CNTN1: variants seen among roughly 807,000 people sequenced by gnomAD.
CNTN1 encodes contactin-1.
CNTN1 carries 38 observed loss-of-function variants against 126.4 expected under a neutral mutation model. The ratio of observed to expected loss-of-function variants is 0.30; its 90% CI spans 0.23 to 0.39. The LOEUF is 0.39. Among genes scored for constraint, CNTN1 ranks in the 10% least tolerant of loss-of-function variants. CNTN1 has a pLI of 1.00. For synonymous variants in CNTN1, 413 were observed against 422.6 expected, an observed-to-expected ratio of 0.98 and a Z score of 0.28; for missense variants, 1,009 against 1,248.4, an observed-to-expected ratio of 0.81 and a Z score of 2.89.
intron 1 of CNTN1, among the ~76,000 whole-genome samples, chr12:40,814,609 T>C (rs1330913513): frequency 6.6e-6 from 1 of 152,216 alleles, no homozygotes; most frequent in African/African-American, 2.4e-5. Context: ...GCTTGTAGTA[T>C]AGTTTGAAGT....
At position 40,992,481 on chromosome 12, in the gene CNTN1, A is replaced by G. The variant is rs530673465; in HGVS notation, c.1964-639A>G. ...CTACCTTGGTTGCATGTTTTATTAT[A>G]CCTCAATTAAATAAGCAAGCTAAGA... On this transcript the variant is annotated intron_variant, in intron 16 of 23. Transcript: ENST00000551295. Among the ~76,000 whole-genome samples the G allele has an allele frequency of 2.6e-5, 4 of 152,168 alleles. No individual in the cohort carries two copies. The South Asian group carries it at 8.3e-4, about 32-fold the overall frequency.
At chr12:40,982,548 A>G (rs978446683) in intron 16 of CNTN1, among the ~76,000 whole-genome samples, 1 of 152,136 alleles carries the variant, frequency 6.6e-6, no homozygotes. Flanking sequence ...AAGTTCCATG[A>G]AGGTAAAAAC....
intron 1 of CNTN1, among the ~76,000 whole-genome samples, chr12:40,812,574 T>C (rs1363856644): frequency 6.6e-6 from 1 of 152,160 alleles, no homozygotes; most frequent in East Asian, 1.9e-4. Flanking sequence ...TTTTATATAT[T>C]TAGCTGCTAT....
rs1288857928 is a variant in CNTN1, at chr12:41,071,043, T to C, written c.*1008T>C. On this transcript the variant is annotated 3_prime_UTR_variant, in exon 24 of 24. Transcript: ENST00000551295. The stretch of plus-strand genomic sequence containing the variant: ...AGATGTCAGATCAAAAAGTCACCTG[T>C]AGGTTGAAAAAGCTACCGTATTCCA... 6.6e-6 allele frequency: 1 copy of C among 151,806 alleles called. No individual in the cohort carries two copies. The highest frequency in any genetic ancestry group is 1.5e-5 in the Non-Finnish European group (1 of 67,918). The allele number at this position is 151,806 out of a possible 1,614,324, so 9.4% of individuals were successfully genotyped here.
chr12:40,925,984 T>C (rs1945671070), intron 6 of CNTN1, among the ~76,000 whole-genome samples: 1 of 151,300 alleles, frequency 6.6e-6, no homozygotes, highest in East Asian at 1.9e-4. Flanking sequence ...CTTCACTGCA[T>C]CACTCATTGA....
At chr12:40,997,434 T>C (rs1243000845) in intron 17 of CNTN1, among the ~76,000 whole-genome samples, 1 of 151,928 alleles carries the variant, frequency 6.6e-6, no homozygotes, top group African/African-American at 2.4e-5. Flanking sequence ...GTTCTTTCAT[T>C]TAGTATTCTT....
chr12:40,981,996 A>T (rs1947833447), intron 16 of CNTN1, among the ~76,000 whole-genome samples: 1 of 152,036 alleles, frequency 6.6e-6, no homozygotes, highest in African/African-American at 2.4e-5. Context: ...ATTTATCTTA[A>T]CATAATGGAA....
chr12:40,967,738 G>T (rs1008086134), intron 15 of CNTN1, among the ~76,000 whole-genome samples: 1 of 151,958 alleles, frequency 6.6e-6, no homozygotes, highest in African/African-American at 2.4e-5. Flanking sequence ...TACAAGTCTC[G>T]AAGAATATGA....
Position 40,908,355 on chromosome 12 carries a change from A to G in CNTN1, c.-76-2A>G. The G allele has an allele frequency of 1.0e-6, 1 of 964,146 alleles. No homozygotes were observed. The highest frequency in any genetic ancestry group is 2.4e-5 in the East Asian group (1 of 41,186). The allele number at this position is 964,146 out of a possible 1,614,324, so 59.7% of individuals were successfully genotyped here. On this transcript the variant is annotated splice_acceptor_variant, in intron 1 of 23. Coordinates refer to ENST00000551295, the MANE Select transcript of CNTN1 (RefSeq NM_001843.4). LOFTEE classifies it low-confidence loss of function (5UTR_SPLICE). Reference sequence around the variant, plus strand: ...TTCTTCTTCTTTTCTTTCTTGATGCAGGTGTTTAAAATTATCCAACTGCCA... The same window carrying G: ...TTCTTCTTCTTTTCTTTCTTGATGCGGGTGTTTAAAATTATCCAACTGCCA...
At chr12:40,864,185 T>G (rs1337691809) in intron 1 of CNTN1, among the ~76,000 whole-genome samples, 1 of 151,292 alleles carries the variant, frequency 6.6e-6, no homozygotes, top group African/African-American at 2.4e-5. Context: ...CCCAGCTAAT[T>G]TTTTGTATTT....
chr12:40,888,315 C>T (rs961633777), intron 1 of CNTN1, among the ~76,000 whole-genome samples: 8 of 152,132 alleles, frequency 5.3e-5, no homozygotes, highest in Admixed American at 4.6e-4. Context: ...TACCCATTTC[C>T]TTATACGTGT....
chr12:40,887,775 C>A (rs1354063095), intron 1 of CNTN1, among the ~76,000 whole-genome samples: 1 of 152,034 alleles, frequency 6.6e-6, no homozygotes. Context: ...AAATGTCCAA[C>A]AACGATAGAC....
chr12:41,055,841 CCT>C (rs1319051537), intron 23 of CNTN1, among the ~76,000 whole-genome samples: 1 of 152,108 alleles, frequency 6.6e-6, no homozygotes, highest in African/African-American at 2.4e-5. Flanking sequence ...CTCTCTCTTC[CCT>C]CTCAGCTTCC....
chr12:40,990,444 G>A (rs1045850472), intron 16 of CNTN1, among the ~76,000 whole-genome samples: 1 of 152,072 alleles, frequency 6.6e-6, no homozygotes, highest in Non-Finnish European at 1.5e-5. Context: ...ATGACTCTGA[G>A]TCTGGTTGCT....
At position 41,016,730 on chromosome 12, in the gene CNTN1, G is replaced by A; in HGVS notation, c.2233G>A (p.Ala745Thr). The change falls in exon 19 of 24, where the codon GCA becomes ACA. Residue 745 changes from alanine to threonine, a missense_variant. Ala to Thr is a moderately conservative substitution (Grantham distance 58). Coordinates refer to ENST00000551295, the MANE Select transcript of CNTN1 (RefSeq NM_001843.4). ...HYGNNFGYIV[A>T]FKPFDGEEWK... ...TGGCAACAATTTTGGTTACATAGTG[G>A]CATTTAAGCCATTTGATGGAGAAGA... 1 of 1,614,108 alleles carries A rather than the reference G, an allele frequency of 6.2e-7. No individual in the cohort carries two copies. The highest frequency in any genetic ancestry group is 2.2e-5 in the East Asian group (1 of 44,854).
chr12:41,058,656 A>G (rs1292680800), intron 23 of CNTN1, among the ~76,000 whole-genome samples: 1 of 152,174 alleles, frequency 6.6e-6, no homozygotes, highest in Non-Finnish European at 1.5e-5. Flanking sequence ...AACACCATGA[A>G]ACTATGACTA....
chr12:41,055,088 C>T (rs1418754569), intron 23 of CNTN1, among the ~76,000 whole-genome samples: 1 of 151,986 alleles, frequency 6.6e-6, no homozygotes, highest in Non-Finnish European at 1.5e-5. Flanking sequence ...TATTTGCCTT[C>T]TATAAAATTA....
chr12:41,048,961 G>T lies in CNTN1; in HGVS notation c.2980+19742G>T, dbSNP rs539072037. ...AATCAGATTTTCACCACAACACCCT[G>T]TCAAAACAGCTCTTGTCGAGGTTGC... is the stretch of plus-strand genomic sequence containing the variant. On this transcript the variant is annotated intron_variant, in intron 23 of 23. Transcript: ENST00000551295. 1.2e-4 allele frequency among the ~76,000 whole-genome samples: 18 copies of T among 152,172 alleles called. No individual in the cohort carries two copies. The East Asian group carries it at 3.5e-3, about 29-fold the overall frequency.
chr12:41,054,841 G>A (rs1949766376), intron 23 of CNTN1, among the ~76,000 whole-genome samples: 2 of 151,980 alleles, frequency 1.3e-5, no homozygotes, highest in South Asian at 2.1e-4. Context: ...TTAAAATATT[G>A]TTTCAATCAT....
Sources: allele counts gnomAD v4.1 joint callset (sites outside exome capture counted in the v4.1 genomes callset), GRCh38; gene constraint gnomAD v4.1.1; transcripts MANE v1.5; gene names NCBI Gene and HGNC (gene_info 2026-07-23, HGNC 2026-07-21).